Variants in SYTL2 observed in about 807,000 individuals in gnomAD.
SYTL2 encodes the protein synaptotagmin like 2, also known as synaptotagmin-like protein 2.
In SYTL2, 165 loss-of-function variants were observed where a neutral mutation model predicts 198.7. That is an observed-to-expected ratio of 0.83 (90% confidence interval 0.73 to 0.94). The LOEUF (loss-of-function observed/expected upper bound fraction) is 0.94, where lower values mean the gene tolerates loss of function less well. Ranked by LOEUF, SYTL2 falls within the 40% of genes least tolerant of loss-of-function variation. The probability of loss-of-function intolerance (pLI) is 0.00; values close to 1 mark genes in which losing one functional copy is unlikely to be tolerated. For synonymous variants in SYTL2, 966 were observed against 917.7 expected (o/e 1.05, Z -0.95); for missense variants, 2,835 against 2,582.8 (o/e 1.10, Z -2.12).
chr11:85,805,662 G>A (rs141434528), intron 1 of SYTL2, among the ~76,000 whole-genome samples: 345 of 152,324 alleles, frequency 2.3e-3, no homozygotes, highest in African/African-American at 7.5e-3. Flanking sequence ...AGAAGCTAGT[G>A]GTGCTGGCAT....
At chr11:85,740,305 C>G (rs1218899522) in intron 4 of SYTL2, among the ~76,000 whole-genome samples, 1 of 152,194 alleles carries the variant, frequency 6.6e-6, no homozygotes, top group East Asian at 1.9e-4. Flanking sequence ...CCCAGTCCCT[C>G]CTTGTAAGTG....
chr11:85,732,366 G>A (rs1206684422), intron 7 of SYTL2, among the ~76,000 whole-genome samples: 3 of 152,126 alleles, frequency 2.0e-5, no homozygotes, highest in Non-Finnish European at 4.4e-5. Flanking sequence ...TGATAGACTG[G>A]AAAAAGAAAA....
intron 18 of SYTL2, among the ~76,000 whole-genome samples, chr11:85,696,655 A>C (rs920209147): frequency 2.6e-5 from 4 of 152,194 alleles, no homozygotes; most frequent in African/African-American, 9.7e-5. Context: ...ACTCAACCTT[A>C]CGGACACTTG....
chr11:85,715,698 G>T (rs2087097491), intron 11 of SYTL2, among the ~76,000 whole-genome samples: 1 of 152,038 alleles, frequency 6.6e-6, no homozygotes, highest in Non-Finnish European at 1.5e-5. Flanking sequence ...TGCATTTATG[G>T]TGTCTCACTA....
At chr11:85,833,110 G>A in the SYTL2 span, among the ~76,000 whole-genome samples, 51 of 45,556 alleles carry the variant, frequency 1.1e-3, 2 homozygotes, top group Middle Eastern at 0.012. Flanking sequence ...AAGGAAGGAA[G>A]GAAGGAAGGA....
chr11:85,747,125 T>C (rs1368627911), intron 3 of SYTL2, among the ~76,000 whole-genome samples: 1 of 152,192 alleles, frequency 6.6e-6, no homozygotes, highest in Non-Finnish European at 1.5e-5. Flanking sequence ...CCAGTAAGTA[T>C]TTAATGAACT....
chr11:85,771,803 C>T (rs1327691042), intron 1 of SYTL2, among the ~76,000 whole-genome samples: 6 of 152,122 alleles, frequency 3.9e-5, no homozygotes, highest in African/African-American at 1.4e-4. Flanking sequence ...TGAGACTAAC[C>T]ACTGCCTACC....
At chr11:85,793,034 A>G (rs61907270) in intron 1 of SYTL2, among the ~76,000 whole-genome samples, 5 of 151,688 alleles carry the variant, frequency 3.3e-5, no homozygotes, top group Admixed American at 6.6e-5. Context: ...ATCATTGTTG[A>G]ACATTTGGGT....
At chr11:85,736,455 CA>C (rs2090343431) in intron 6 of SYTL2, 45 bp downstream of exon 6, 1 of 1,012,900 alleles carries the variant, frequency 9.9e-7, no homozygotes, top group African/African-American at 1.7e-5. Context: ...CCTTAGTCCA[CA>C]GATAACAAAG....
the SYTL2 span, among the ~76,000 whole-genome samples, chr11:85,838,571 G>T: frequency 1.3e-5 from 2 of 152,246 alleles, no homozygotes; most frequent in Non-Finnish European, 2.9e-5. Context: ...TGGGAAGCAG[G>T]TATCTCACAC....
intron 6 of SYTL2, among the ~76,000 whole-genome samples, chr11:85,735,929 C>A (rs1048035532): frequency 6.6e-6 from 1 of 152,206 alleles, no homozygotes; most frequent in Non-Finnish European, 1.5e-5. Context: ...CCTAACCACT[C>A]TTTAATGCTT....
At chr11:85,697,885 A>G in intron 18 of SYTL2, 94 bp downstream of exon 18, 1 of 701,098 alleles carries the variant, frequency 1.4e-6, no homozygotes, top group Non-Finnish European at 2.5e-6. Flanking sequence ...TAAATTATGA[A>G]TGATGAGTCA....
chr11:85,832,149 T>C, the SYTL2 span, among the ~76,000 whole-genome samples: 108 of 152,302 alleles, frequency 7.1e-4, no homozygotes, highest in Middle Eastern at 3.4e-3. Context: ...TTAGGAGGCA[T>C]ATCTGGCAAA....
At chr11:85,842,346 C>A in the SYTL2 span, among the ~76,000 whole-genome samples, 2 of 152,278 alleles carry the variant, frequency 1.3e-5, no homozygotes, top group Middle Eastern at 3.4e-3. Context: ...CTATTGGGGC[C>A]GGGGAATCGA....
chr11:85,821,210 T>C, the SYTL2 span, among the ~76,000 whole-genome samples: 2 of 152,258 alleles, frequency 1.3e-5, no homozygotes, highest in Non-Finnish European at 1.5e-5. Flanking sequence ...GTGTTCTGCA[T>C]TCTACAATTG....
At chr11:85,835,305 T>C in the SYTL2 span, among the ~76,000 whole-genome samples, 4 of 152,188 alleles carry the variant, frequency 2.6e-5, no homozygotes, top group Non-Finnish European at 4.4e-5. Context: ...AATTTCTCGT[T>C]ATGGTAGATG....
At chr11:85,832,603 A>T in the SYTL2 span, among the ~76,000 whole-genome samples, 1 of 152,166 alleles carries the variant, frequency 6.6e-6, no homozygotes, top group South Asian at 2.1e-4. Flanking sequence ...AAGAACATGC[A>T]TTGGAAATCT....
rs2089229664 is a variant in SYTL2 at position 85,726,709 on chromosome 11, T to C, written c.2649A>G (p.Gln883=). 11 of 1,536,064 alleles carry C rather than the reference T, an allele frequency of 7.2e-6. No individual in the cohort carries two copies. Among genetic ancestry groups the C allele is most frequent in the Admixed American group, 3.9e-5 (2 of 50,988 alleles). The change falls in exon 8 of 20, where the codon CAA becomes CAG. Residue 883 remains glutamine, a synonymous_variant. Transcript: ENST00000359152. ...SSNKSKETKP[Q]IAGPSRYYLS... is the part of the protein sequence containing the mutation. ...GATAGTATCTGGATGGACCTGCTAT[T>C]TGTGGCTTGGTCTCTTTAGATTTAT...
At chr11:85,821,948 C>T in the SYTL2 span, among the ~76,000 whole-genome samples, 1 of 149,738 alleles carries the variant, frequency 6.7e-6, no homozygotes, top group African/African-American at 2.6e-5. Context: ...GCCAGCCACA[C>T]CAGCACTGGG....
Sources: allele counts gnomAD v4.1 joint callset (sites outside exome capture counted in the v4.1 genomes callset), GRCh38; gene constraint gnomAD v4.1.1; transcripts MANE v1.5; gene names NCBI Gene and HGNC (gene_info 2026-07-23, HGNC 2026-07-21).